Variants in SLC16A7 observed in about 807,000 individuals in gnomAD.
SLC16A7 encodes monocarboxylate transporter 2.
A neutral mutation model predicts 34.9 loss-of-function variants in SLC16A7; 33 were observed. That is an observed-to-expected ratio of 0.94 (90% CI 0.72 to 1.26). The LOEUF (loss-of-function observed/expected upper bound fraction) is 1.26. Among genes scored for constraint, SLC16A7 ranks in the 50% most tolerant of loss-of-function variants. The pLI, the probability that SLC16A7 is intolerant of heterozygous loss-of-function variation, is 0.00. For synonymous variants in SLC16A7, 201 were observed against 206.6 expected, an observed-to-expected ratio of 0.97 and a Z score of 0.23; for missense variants, 573 against 578.1, an observed-to-expected ratio of 0.99 and a Z score of 0.09.
At chr12:59,695,450 C>A (rs987354136) in intron 2 of SLC16A7, among the ~76,000 whole-genome samples, 4 of 151,822 alleles carry the variant, frequency 2.6e-5, no homozygotes, top group Non-Finnish European at 4.4e-5. Context: ...CCCAGGAGAC[C>A]CATTTAGTGT....
intron 1 of SLC16A7, among the ~76,000 whole-genome samples, chr12:59,644,612 T>C (rs191216098): frequency 1.3e-5 from 2 of 152,270 alleles, no homozygotes; most frequent in East Asian, 1.9e-4. Context: ...GTTTTAGTTT[T>C]AGAAGTTACC....
chr12:59,695,331 A>G (rs1360558480), intron 2 of SLC16A7, among the ~76,000 whole-genome samples: 1 of 151,848 alleles, frequency 6.6e-6, no homozygotes, highest in African/African-American at 2.4e-5. Flanking sequence ...GGTGGGATGG[A>G]GCTGCTGTTC....
At chr12:59,733,542 C>T (rs1877211532) in intron 3 of SLC16A7, among the ~76,000 whole-genome samples, 1 of 152,128 alleles carries the variant, frequency 6.6e-6, no homozygotes, top group African/African-American at 2.4e-5. Flanking sequence ...GGAAGCTTGG[C>T]AATGCCAGGA....
At chr12:59,631,070 G>A (rs1042940332) in intron 1 of SLC16A7, among the ~76,000 whole-genome samples, 1 of 151,874 alleles carries the variant, frequency 6.6e-6, no homozygotes, top group Admixed American at 6.6e-5. Context: ...GGTGGCAAGG[G>A]TGAGGTAGAG....
chr12:59,689,703 C>T (rs1163085687), intron 2 of SLC16A7, among the ~76,000 whole-genome samples: 5 of 151,920 alleles, frequency 3.3e-5, no homozygotes, highest in African/African-American at 9.7e-5. Flanking sequence ...TTTAACTCCT[C>T]TTCCGTAGTG....
At chr12:59,717,626 A>G (rs1049326845) in intron 3 of SLC16A7, among the ~76,000 whole-genome samples, 1 of 152,164 alleles carries the variant, frequency 6.6e-6, no homozygotes, top group East Asian at 1.9e-4. Context: ...TTGGCTCCCA[A>G]ATTAGATCAA....
At chr12:59,663,512 C>G (rs1868966640) in intron 2 of SLC16A7, among the ~76,000 whole-genome samples, 1 of 151,684 alleles carries the variant, frequency 6.6e-6, no homozygotes, top group Admixed American at 6.6e-5. Context: ...GTAATTTTAC[C>G]CCAAATAAAT....
intron 2 of SLC16A7, among the ~76,000 whole-genome samples, chr12:59,681,146 A>G (rs564253385): frequency 1.3e-5 from 2 of 152,336 alleles, no homozygotes; most frequent in African/African-American, 4.8e-5. Flanking sequence ...GAATCTTAAA[A>G]CATCATTGTG....
intron 2 of SLC16A7, among the ~76,000 whole-genome samples, chr12:59,661,292 G>C (rs1263204477): frequency 6.6e-6 from 1 of 152,110 alleles, no homozygotes; most frequent in African/African-American, 2.4e-5. Context: ...GTGCCTGTGG[G>C]AATTAGGGAA....
At chr12:59,763,555 T>C (rs936879782) in intron 3 of SLC16A7, among the ~76,000 whole-genome samples, 1 of 152,080 alleles carries the variant, frequency 6.6e-6, no homozygotes, top group Non-Finnish European at 1.5e-5. Flanking sequence ...ACTTAAAAAA[T>C]GAAAATAACT....
intron 3 of SLC16A7, chr12:59,768,329 T>G (rs1438903937): frequency 5.4e-6 from 2 of 369,880 alleles, no homozygotes; most frequent in African/African-American, 4.2e-5. Flanking sequence ...GTGAAGTAAG[T>G]AACTGCAGAT....
At chr12:59,700,702 C>T (rs1297440141) in intron 2 of SLC16A7, among the ~76,000 whole-genome samples, 1 of 151,494 alleles carries the variant, frequency 6.6e-6, no homozygotes, top group Non-Finnish European at 1.5e-5. Context: ...TCATACAATT[C>T]GGGATAGTTG....
intron 1 of SLC16A7, among the ~76,000 whole-genome samples, chr12:59,605,970 G>C (rs1878919464): frequency 6.6e-6 from 1 of 152,130 alleles, no homozygotes; most frequent in Admixed American, 6.5e-5. Flanking sequence ...ATGAGTTGTT[G>C]TTGGAGAAAT....
At chr12:59,755,314 T>C (rs1880172393) in intron 3 of SLC16A7, among the ~76,000 whole-genome samples, 1 of 152,168 alleles carries the variant, frequency 6.6e-6, no homozygotes, top group Non-Finnish European at 1.5e-5. Context: ...GAAGTTAAAT[T>C]GTCCCTGTTT....
intron 1 of SLC16A7, among the ~76,000 whole-genome samples, chr12:59,615,602 G>A (rs1476675116): frequency 6.6e-6 from 1 of 152,154 alleles, no homozygotes; most frequent in African/African-American, 2.4e-5. Flanking sequence ...CTATCACACT[G>A]TATAGCAACA....
chr12:59,739,876 C>G (rs1878092411), intron 3 of SLC16A7, among the ~76,000 whole-genome samples: 1 of 152,198 alleles, frequency 6.6e-6, no homozygotes, highest in Non-Finnish European at 1.5e-5. Context: ...CCTTCACCCA[C>G]TTTTTGATGG....
intron 3 of SLC16A7, among the ~76,000 whole-genome samples, chr12:59,745,109 C>T (rs1303239037): frequency 1.3e-5 from 2 of 152,160 alleles, no homozygotes; most frequent in African/African-American, 2.4e-5. Context: ...CCCCTCATCT[C>T]CCTCATCACC....
At chr12:59,734,633 C>T (rs573011050) in intron 3 of SLC16A7, among the ~76,000 whole-genome samples, 2 of 152,366 alleles carry the variant, frequency 1.3e-5, no homozygotes, top group East Asian at 3.9e-4. Context: ...CCTGGCCACA[C>T]CTGCCCCACT....
At chr12:59,603,219 C>T (rs1878773906) in intron 1 of SLC16A7, among the ~76,000 whole-genome samples, 1 of 152,198 alleles carries the variant, frequency 6.6e-6, no homozygotes, top group Non-Finnish European at 1.5e-5. Flanking sequence ...CACCTCTGGT[C>T]TCTCACCCTA....
Sources: allele counts gnomAD v4.1 joint callset (sites outside exome capture counted in the v4.1 genomes callset), GRCh38; gene constraint gnomAD v4.1.1; transcripts MANE v1.5; gene names NCBI Gene and HGNC (gene_info 2026-07-23, HGNC 2026-07-21).